Variants in WDR41 observed in about 807,000 individuals in gnomAD.
WDR41 encodes WD repeat domain 41.
In WDR41, 63 loss-of-function variants were observed where a neutral mutation model predicts 69.3. The observed-to-expected ratio is 0.91, with a 90% CI of 0.74 to 1.12. WDR41 has a LOEUF of 1.12. WDR41 is among the 50% of genes most tolerant of loss of function. WDR41 has a pLI of 0.00. For synonymous variants in WDR41, 185 were observed against 192.1 expected (o/e 0.96, Z 0.31); for missense variants, 543 against 534.5 (o/e 1.02, Z -0.16).
chr5:77,593,396 G>C (rs1176661603), intron 1 of WDR41, among the ~76,000 whole-genome samples: 1 of 152,090 alleles, frequency 6.6e-6, no homozygotes, highest in Non-Finnish European at 1.5e-5. Flanking sequence ...AGGAAACCAA[G>C]TAATAAACTA....
At chr5:77,446,803 C>G (rs1254767816) in intron 8 of WDR41, among the ~76,000 whole-genome samples, 1 of 152,000 alleles carries the variant, frequency 6.6e-6, no homozygotes, top group African/African-American at 2.4e-5. Context: ...TTAATAAGAC[C>G]TAAAACCATA....
chr5:77,608,936 G>T (rs556113362), intron 1 of WDR41, among the ~76,000 whole-genome samples: 6 of 152,190 alleles, frequency 3.9e-5, no homozygotes, highest in Non-Finnish European at 8.8e-5. Context: ...CTGGAAAATC[G>T]GGTCACTCCC....
chr5:77,499,731 A>G (rs1801989400), intron 1 of WDR41: 1 of 152,212 alleles, frequency 6.6e-6, no homozygotes, highest in African/African-American at 2.4e-5. Context: ...AGCAACCCCA[A>G]TTACTTTTAT....
At chr5:77,552,490 C>T (rs1743317239) in intron 1 of WDR41, among the ~76,000 whole-genome samples, 2 of 152,168 alleles carry the variant, frequency 1.3e-5, no homozygotes, top group Admixed American at 1.3e-4. Context: ...TTTAGTGTAA[C>T]TCCTATCAAA....
intron 1 of WDR41, among the ~76,000 whole-genome samples, chr5:77,533,011 T>G (rs1335421548): frequency 6.6e-6 from 1 of 152,184 alleles, no homozygotes; most frequent in African/African-American, 2.4e-5. Context: ...ATTTTGTATT[T>G]CACAATTTTT....
At chr5:77,466,504 G>C (rs1800313662) in intron 2 of WDR41, among the ~76,000 whole-genome samples, 1 of 151,818 alleles carries the variant, frequency 6.6e-6, no homozygotes, top group South Asian at 2.1e-4. Context: ...TTAGAAGACA[G>C]CAAGTTTAAA....
chr5:77,433,468 CAG>C (rs1276648891), intron 12 of WDR41, among the ~76,000 whole-genome samples, 181 bp from the exon 13 acceptor site: 12 of 152,116 alleles, frequency 7.9e-5, no homozygotes, highest in Non-Finnish European at 1.3e-4. Flanking sequence ...ATATTTTAAT[CAG>C]AATTTTGTTA....
chr5:77,440,009 CTTTTG>C (rs1799095720), intron 9 of WDR41, among the ~76,000 whole-genome samples: 1 of 152,072 alleles, frequency 6.6e-6, no homozygotes, highest in Non-Finnish European at 1.5e-5. Context: ...CTATCCTAAT[CTTTTG>C]TTTTGTTTTT....
At chr5:77,494,426 T>TTAGATCAAAGACACAAA (rs1237740495), upstream of WDR41, among the ~76,000 whole-genome samples, 10 of 151,808 alleles carry the variant, frequency 6.6e-5, no homozygotes, top group African/African-American at 9.7e-5. Flanking sequence ...AAGACTGACT[T>TTAGATCAAAGACACAAA]TAGATCAAAG....
intron 1 of WDR41, among the ~76,000 whole-genome samples, chr5:77,570,263 G>A (rs1426549743): frequency 6.6e-6 from 1 of 151,688 alleles, no homozygotes; most frequent in African/African-American, 2.4e-5. Context: ...CTTTAGGGGT[G>A]ACTATTAACC....
At chr5:77,551,726 C>T (rs896416040) in intron 1 of WDR41, among the ~76,000 whole-genome samples, 1 of 150,428 alleles carries the variant, frequency 6.6e-6, no homozygotes, top group Admixed American at 6.6e-5. Context: ...GACTGTAGTA[C>T]CAGCACTTTG....
At position 77,431,477 on chromosome 5, in the gene WDR41, CT is replaced by C. The variant is rs2151276304; in HGVS notation, c.*1657del. 6.6e-6 allele frequency: 1 copy of C among 152,326 alleles called. No individual in the cohort carries two copies. The highest frequency in any genetic ancestry group is 2.4e-5 in the African/African-American group (1 of 41,580). 9.4% of individuals were successfully genotyped at this position (152,326 alleles called of 1,614,324 possible). On this transcript the variant is annotated 3_prime_UTR_variant, in exon 13 of 13. Transcript: ENST00000296679. ...GAAACCAAAAACTAGATGTGACTCA[CT>C]CTATTTGCAATAGTTGCTTTTTTGA...
chr5:77,573,611 AT>A (rs1321251488), intron 1 of WDR41, among the ~76,000 whole-genome samples: 1 of 152,142 alleles, frequency 6.6e-6, no homozygotes, highest in Non-Finnish European at 1.5e-5. Flanking sequence ...CAGCCACGGA[AT>A]TTCCAACTAT....
chr5:77,437,353 G>T lies in WDR41; in HGVS notation c.1076C>A (p.Ala359Asp). The T allele has an allele frequency of 1.2e-6, 2 of 1,613,844 alleles. No homozygotes were observed. Among genetic ancestry groups the T allele is most frequent in the Non-Finnish European group, 1.7e-6 (2 of 1,179,856 alleles). ...ACACACACCTGTTGGTACAGGCTCA[G>T]CTGCAAGCTGCTGTTTTTCTCTTAA... is the stretch of plus-strand genomic sequence containing the variant. ...WELREKQQLA[A>D]EPVPTGFFNM... The change falls in exon 11 of 13, where the codon GCT becomes GAT. Residue 359 changes from alanine to aspartate, a missense_variant. Ala to Asp is a moderately radical substitution (Grantham distance 126, BLOSUM62 -2). Transcript: ENST00000296679.
At chr5:77,611,564 C>T (rs1320489755) in intron 1 of WDR41, among the ~76,000 whole-genome samples, 1 of 152,218 alleles carries the variant, frequency 6.6e-6, no homozygotes, top group Non-Finnish European at 1.5e-5. Context: ...CTACTGGGTA[C>T]ATAACGAAAT....
intron 1 of WDR41, among the ~76,000 whole-genome samples, chr5:77,527,954 A>G (rs1303256886): frequency 6.6e-6 from 1 of 151,818 alleles, no homozygotes; most frequent in Non-Finnish European, 1.5e-5. Context: ...CATTAAATGC[A>G]CACTAGAAAA....
intron 1 of WDR41, among the ~76,000 whole-genome samples, chr5:77,594,910 A>T (rs780714416): frequency 1.3e-4 from 20 of 152,250 alleles, no homozygotes; most frequent in Non-Finnish European, 2.6e-4. Flanking sequence ...TCAGAGCATT[A>T]GAAAATAGAT....
At chr5:77,578,612 G>A (rs1743877726) in intron 1 of WDR41, among the ~76,000 whole-genome samples, 1 of 152,138 alleles carries the variant, frequency 6.6e-6, no homozygotes, top group Admixed American at 6.6e-5. Context: ...AAAGGGCCAG[G>A]CATGGTGGCT....
Position 77,431,668 on chromosome 5 carries a change from A to C in WDR41, c.*1467T>G, listed in dbSNP as rs557217855. 5 of 152,354 alleles carry C rather than the reference A, an allele frequency of 3.3e-5. No homozygotes were observed. In the South Asian group the frequency reaches 1.0e-3, roughly 32 times the overall value. The allele number at this position is 152,354 out of a possible 1,614,324, so 9.4% of individuals were successfully genotyped here. A position where few individuals can be genotyped will look rare whatever the true frequency, so the allele number is the denominator to read the frequency against. On this transcript the variant is annotated 3_prime_UTR_variant, in exon 13 of 13. Transcript: ENST00000296679. ...ACAAAATACTAGCCTAGAACAGGCT[A>C]GGAAGTAAAACAGTTAAGTCTATGG...
Sources: allele counts gnomAD v4.1 joint callset (sites outside exome capture counted in the v4.1 genomes callset), GRCh38; gene constraint gnomAD v4.1.1; transcripts MANE v1.5; gene names NCBI Gene and HGNC (gene_info 2026-07-23, HGNC 2026-07-21).